Variants in SUPT3H observed in about 807,000 individuals in gnomAD.
SUPT3H encodes the protein SPT3 homolog, SAGA and STAGA complex component.
A neutral mutation model predicts 44.3 loss-of-function variants in SUPT3H; 44 were observed. The ratio of observed to expected loss-of-function variants is 0.99; its 90% CI spans 0.78 to 1.28. The LOEUF (loss-of-function observed/expected upper bound fraction) is 1.28, where lower values mean the gene tolerates loss of function less well. Ranked by LOEUF, SUPT3H falls within the 50% of genes most tolerant of loss-of-function variation. The probability of loss-of-function intolerance (pLI) is 0.00; values close to 1 mark genes in which losing one functional copy is unlikely to be tolerated. For synonymous variants in SUPT3H, 124 were observed against 125.6 expected (o/e 0.99, Z 0.09); for missense variants, 380 against 387.1 (o/e 0.98, Z 0.15).
At chr6:45,251,395 GCACACACACACACA>G (rs70996313) in intron 2 of SUPT3H, among the ~76,000 whole-genome samples, 13 of 144,970 alleles carry the variant, frequency 9.0e-5, no homozygotes, top group South Asian at 2.2e-4. Context: ...AAGAGAAGCT[GCACACACACACACA>G]CACACACACA....
At chr6:44,815,178 TTC>T (rs1766826781) in intron 11 of SUPT3H, among the ~76,000 whole-genome samples, 1 of 152,210 alleles carries the variant, frequency 6.6e-6, no homozygotes, top group Non-Finnish European at 1.5e-5. Flanking sequence ...CTTTGTGCTT[TTC>T]TGAGTCTTCT....
intron 3 of SUPT3H, among the ~76,000 whole-genome samples, chr6:45,069,253 A>T (rs1465948707): frequency 6.6e-6 from 1 of 152,324 alleles, no homozygotes; most frequent in East Asian, 1.9e-4. Flanking sequence ...AGAGGAACCA[A>T]AAACTTCATG....
chr6:45,035,971 C>A (rs990576230), intron 3 of SUPT3H, among the ~76,000 whole-genome samples: 1 of 151,624 alleles, frequency 6.6e-6, no homozygotes, highest in African/African-American at 2.4e-5. Flanking sequence ...ATGAAAAAAT[C>A]GGATTTTTCA....
rs140685413 is a variant in SUPT3H at position 45,279,542 on chromosome 6, C to T, written c.101+85659G>A. 1.3e-3 allele frequency among the ~76,000 whole-genome samples: 205 copies of T among 152,220 alleles called. 2 individuals carry two copies. The highest frequency in any genetic ancestry group is 4.9e-3 in the African/African-American group (202 of 41,534). ...AAAATGTGTAGCACCTCCCCCCTTT[C>T]TGAATTGCTCCTGCTCCTGCTATGT... On this transcript the variant is annotated intron_variant, in intron 2 of 10. Coordinates refer to ENST00000371459, the MANE Select transcript of SUPT3H (RefSeq NM_003599.4).
intron 3 of SUPT3H, among the ~76,000 whole-genome samples, chr6:45,067,404 C>A (rs1326252385): frequency 7.9e-6 from 1 of 127,372 alleles, no homozygotes; most frequent in Non-Finnish European, 1.8e-5. Context: ...TAGGCATGGG[C>A]AAGGACTTCA....
In SUPT3H at chr6:45,039,119, T is replaced by A. The variant is rs546993754; in HGVS notation, c.187-18487A>T. On this transcript the variant is annotated intron_variant, in intron 3 of 10. Coordinates refer to ENST00000371459, the MANE Select transcript of SUPT3H (RefSeq NM_003599.4). ...ACTTTGGAAGGGCACAGAAAAAAAA[T>A]AAACAAATCTGCTGAACATAATTTC... 1.2e-4 allele frequency among the ~76,000 whole-genome samples: 18 copies of A among 152,110 alleles called. No homozygotes were observed. The East Asian group carries it at 3.1e-3, about 26-fold the overall frequency.
At chr6:44,892,375 G>A (rs1582281799) in intron 10 of SUPT3H, among the ~76,000 whole-genome samples, 1 of 152,234 alleles carries the variant, frequency 6.6e-6, no homozygotes, top group East Asian at 1.9e-4. Context: ...TGAGAAGGTA[G>A]GTGGTCATCT....
chr6:44,824,811 G>T (rs577493556), downstream of SUPT3H, among the ~76,000 whole-genome samples: 5 of 152,320 alleles, frequency 3.3e-5, no homozygotes, highest in African/African-American at 9.6e-5. Context: ...TTCAAATTGT[G>T]CATGGTAGCT....
chr6:44,857,913 A>G (rs1266050612), intron 10 of SUPT3H, among the ~76,000 whole-genome samples: 1 of 152,146 alleles, frequency 6.6e-6, no homozygotes, highest in Admixed American at 6.5e-5. Flanking sequence ...TGTTCTCAGA[A>G]CACATAATGC....
At chr6:45,222,876 A>C (rs1766294910) in intron 2 of SUPT3H, among the ~76,000 whole-genome samples, 2 of 152,182 alleles carry the variant, frequency 1.3e-5, no homozygotes, top group Non-Finnish European at 2.9e-5. Flanking sequence ...GCTAATAACT[A>C]CTAATGAATG....
Position 44,826,898 on chromosome 6 carries a change from G to A in SUPT3H, c.*2918C>T, listed in dbSNP as rs890608070. Among the ~76,000 whole-genome samples the A allele has an allele frequency of 6.6e-6, 1 of 152,062 alleles. No homozygotes were observed. Among genetic ancestry groups the A allele is most frequent in the African/African-American group, 2.4e-5 (1 of 41,414 alleles). ...TTAAAAAATATTTGTGCTTCTGATG[G>A]TTTTCAAATAAAAAGTCTTGGTTTT... On this transcript the variant is annotated 3_prime_UTR_variant, in exon 11 of 11. Coordinates refer to ENST00000371459, the MANE Select transcript of SUPT3H (RefSeq NM_003599.4).
chr6:45,063,021 C>T (rs1277400406), intron 3 of SUPT3H, among the ~76,000 whole-genome samples: 2 of 151,012 alleles, frequency 1.3e-5, no homozygotes, highest in African/African-American at 4.9e-5. Context: ...CACAGACAAA[C>T]AAAAAGACAG....
At chr6:45,001,391 AAG>A (rs1781985903) in intron 6 of SUPT3H, among the ~76,000 whole-genome samples, 1 of 152,092 alleles carries the variant, frequency 6.6e-6, no homozygotes, top group Non-Finnish European at 1.5e-5. Flanking sequence ...ATAAATGTGT[AAG>A]AGTTAGCTAA....
chr6:44,904,506 A>G (rs1409746407), intron 10 of SUPT3H, among the ~76,000 whole-genome samples: 2 of 152,246 alleles, frequency 1.3e-5, no homozygotes, highest in Admixed American at 6.5e-5. Flanking sequence ...ACCACTGCTC[A>G]AAGAAATAAA....
intron 2 of SUPT3H, among the ~76,000 whole-genome samples, chr6:45,159,955 T>C (rs1808663151): frequency 6.6e-6 from 1 of 152,146 alleles, no homozygotes; most frequent in African/African-American, 2.4e-5. Flanking sequence ...ATCCCAAAAA[T>C]TAATGCGAGT....
At chr6:45,127,759 T>C (rs1043097565) in intron 2 of SUPT3H, among the ~76,000 whole-genome samples, 12 of 152,182 alleles carry the variant, frequency 7.9e-5, no homozygotes, top group African/African-American at 2.7e-4. Context: ...GGATTCAATT[T>C]TCACTTTTTT....
At chr6:44,996,785 A>G (rs1781334201) in intron 6 of SUPT3H, among the ~76,000 whole-genome samples, 2 of 151,860 alleles carry the variant, frequency 1.3e-5, no homozygotes, top group African/African-American at 4.8e-5. Flanking sequence ...ATTTTTTAAA[A>G]ATGGTTTTAC....
intron 2 of SUPT3H, among the ~76,000 whole-genome samples, chr6:45,218,941 T>C (rs1765539832): frequency 6.6e-6 from 1 of 152,176 alleles, no homozygotes. Context: ...CTAACCATAA[T>C]TGAATCAAAC....
intron 10 of SUPT3H, among the ~76,000 whole-genome samples, chr6:44,870,334 T>C (rs1346592313): frequency 1.3e-5 from 2 of 152,146 alleles, no homozygotes; most frequent in African/African-American, 4.8e-5. Context: ...TGGTGGTTCA[T>C]GCCTGTAATC....
Sources: allele counts gnomAD v4.1 joint callset (sites outside exome capture counted in the v4.1 genomes callset), GRCh38; gene constraint gnomAD v4.1.1; transcripts MANE v1.5; gene names NCBI Gene and HGNC (gene_info 2026-07-23, HGNC 2026-07-21).